The following RP1 variants were observed in gnomAD, a reference collection of about 807,000 sequenced individuals.
RP1 encodes the protein RP1 axonemal microtubule associated.
A neutral mutation model predicts 14.8 loss-of-function variants in RP1; 16 were observed. The ratio of observed to expected loss-of-function variants is 1.08; its 90% CI spans 0.73 to 1.65. The LOEUF is 1.65. Ranked by LOEUF, RP1 falls within the 40% of genes most tolerant of loss-of-function variation. RP1 has a pLI of 0.00. For missense variants in RP1, 2,631 were observed against 2,535.0 expected, an observed-to-expected ratio of 1.04 and a Z score of -0.81; for synonymous variants, 876 against 883.6, an observed-to-expected ratio of 0.99 and a Z score of 0.15.
At chr8:54,615,323 C>G (rs566214905), upstream of RP1, among the ~76,000 whole-genome samples, 1 of 152,272 alleles carries the variant, frequency 6.6e-6, no homozygotes, top group Non-Finnish European at 1.5e-5. Flanking sequence ...CATGCTTGAA[C>G]CTGGTCCTGT....
At chr8:54,659,649 CAAG>C (rs1262943487) in intron 6 of RP1, among the ~76,000 whole-genome samples, 1 of 152,122 alleles carries the variant, frequency 6.6e-6, no homozygotes, top group Non-Finnish European at 1.5e-5. Context: ...GTATTAAAAT[CAAG>C]AAGTGTGAGG....
At chr8:54,665,729 T>C (rs1265274499) in intron 7 of RP1, among the ~76,000 whole-genome samples, 1 of 152,184 alleles carries the variant, frequency 6.6e-6, no homozygotes, top group Non-Finnish European at 1.5e-5. Flanking sequence ...TGGAGACTTG[T>C]TCTATCTCTG....
chr8:54,726,293 GAAGA>G (rs1808652322), intron 16 of RP1: 2 of 1,485,212 alleles, frequency 1.3e-6, no homozygotes, highest in South Asian at 1.4e-5. Context: ...AGTATTCTGA[GAAGA>G]AACAAGTGAT....
rs1223879695 is a variant in RP1 at position 54,629,474 on chromosome 8, C to T, written c.5592C>T (p.Cys1864=). The change falls in exon 4 of 4, where the codon TGC becomes TGT. Residue 1864 remains cysteine (C), a synonymous_variant. Coordinates refer to ENST00000220676, the MANE Select transcript of RP1 (RefSeq NM_006269.2). ...EKGSHQSERV[C]TSVTHSFISA... is the part of the protein sequence containing the mutation. ...GTAGTCATCAGTCAGAAAGAGTATGCACATCTGTCACTCATTCCTTTATTT... is the reference window on the plus strand; with the variant it reads ...GTAGTCATCAGTCAGAAAGAGTATGTACATCTGTCACTCATTCCTTTATTT... The T allele has an allele frequency of 2.5e-6, 4 of 1,614,116 alleles. No homozygotes were observed. The highest frequency in any genetic ancestry group is 3.4e-6 in the Non-Finnish European group (4 of 1,179,998).
intron 19 of RP1, among the ~76,000 whole-genome samples, chr8:54,740,148 C>T (rs1809036811): frequency 1.3e-5 from 2 of 149,138 alleles, no homozygotes; most frequent in Admixed American, 1.3e-4. Context: ...ACTTATTATA[C>T]TTATATTAAC....
At chr8:54,674,574 A>G (rs1277405769) in intron 8 of RP1, among the ~76,000 whole-genome samples, 1 of 151,756 alleles carries the variant, frequency 6.6e-6, no homozygotes, top group African/African-American at 2.4e-5. Context: ...CTTTCTTATT[A>G]AAAAGTGTCA....
intron 24 of RP1, among the ~76,000 whole-genome samples, chr8:54,800,719 T>A (rs1563380250): frequency 6.6e-6 from 1 of 152,232 alleles, no homozygotes; most frequent in Non-Finnish European, 1.5e-5. Flanking sequence ...CAGCTTCCAA[T>A]TGTTTTACTG....
At chr8:54,581,664 C>T (rs1186431226) in intron 1 of RP1, among the ~76,000 whole-genome samples, 1 of 152,094 alleles carries the variant, frequency 6.6e-6, no homozygotes, top group East Asian at 1.9e-4. Flanking sequence ...CTCTCCAGCA[C>T]CTGTTGTTTC....
chr8:54,668,334 C>T (rs1807064046), intron 7 of RP1, among the ~76,000 whole-genome samples: 1 of 152,160 alleles, frequency 6.6e-6, no homozygotes, highest in Non-Finnish European at 1.5e-5. Flanking sequence ...TGAAGGACCT[C>T]TTCAAGAAGA....
intron 22 of RP1, among the ~76,000 whole-genome samples, chr8:54,766,160 T>A (rs1180323957): frequency 3.3e-5 from 5 of 152,216 alleles, no homozygotes; most frequent in African/African-American, 1.2e-4. Flanking sequence ...TATGCATTTA[T>A]TTATTTTCAA....
chr8:54,795,703 A>G (rs1810562672), intron 24 of RP1, among the ~76,000 whole-genome samples: 1 of 152,136 alleles, frequency 6.6e-6, no homozygotes, highest in Admixed American at 6.5e-5. Context: ...TCTTCTTTTG[A>G]AAGACTAACA....
intron 24 of RP1, among the ~76,000 whole-genome samples, chr8:54,835,107 T>C (rs368320510): frequency 1.4e-5 from 1 of 73,510 alleles, no homozygotes; most frequent in Non-Finnish European, 3.4e-5. Context: ...GTCACTGTCC[T>C]TTTTTTGTGT....
chr8:54,743,703 C>CT (rs1199066732), intron 19 of RP1, among the ~76,000 whole-genome samples: 1 of 152,090 alleles, frequency 6.6e-6, no homozygotes. Context: ...TCAGGCTTAT[C>CT]TAGTACTTTC....
intron 14 of RP1, chr8:54,701,718 C>A: frequency 6.8e-7 from 1 of 1,461,574 alleles, no homozygotes; most frequent in Non-Finnish European, 9.2e-7. Flanking sequence ...TTTCTTTTGC[C>A]CTATTGAGCA....
At chr8:54,664,444 T>G (rs965073065) in intron 7 of RP1, among the ~76,000 whole-genome samples, 2 of 152,172 alleles carry the variant, frequency 1.3e-5, no homozygotes, top group Non-Finnish European at 2.9e-5. Flanking sequence ...TATGGTAGTT[T>G]GTTTTTAATT....
At chr8:54,605,124 T>C (rs1805396374) in intron 1 of RP1, among the ~76,000 whole-genome samples, 1 of 152,190 alleles carries the variant, frequency 6.6e-6, no homozygotes, top group South Asian at 2.1e-4. Context: ...CTTTTAATTG[T>C]GATGTTAGGG....
At chr8:54,706,647 G>A (rs775726198) in exon 15 of RP1, 40 of 1,535,842 alleles carry the variant, frequency 2.6e-5, no homozygotes, top group East Asian at 2.2e-4. Context: ...TGGCCGATGC[G>A]ATGGAACAGT....
chr8:54,797,766 A>G (rs1406999189), intron 24 of RP1, among the ~76,000 whole-genome samples: 2 of 151,580 alleles, frequency 1.3e-5, no homozygotes, highest in East Asian at 3.9e-4. Flanking sequence ...TATAGTATTT[A>G]TGTATTTCTT....
chr8:54,862,692 T>C (rs1812371534), intron 27 of RP1, among the ~76,000 whole-genome samples: 1 of 152,104 alleles, frequency 6.6e-6, no homozygotes, highest in African/African-American at 2.4e-5. Flanking sequence ...TCAGAGCTGG[T>C]TACAGCACAT....
Sources: allele counts gnomAD v4.1 joint callset (sites outside exome capture counted in the v4.1 genomes callset), GRCh38; gene constraint gnomAD v4.1.1; transcripts MANE v1.5; gene names NCBI Gene and HGNC (gene_info 2026-07-23, HGNC 2026-07-21).